The following ABLIM2 variants were observed in gnomAD, a reference collection of about 807,000 sequenced individuals.
The protein encoded by ABLIM2 is actin binding LIM protein family member 2.
In ABLIM2, 53 loss-of-function variants were observed where a neutral mutation model predicts 97.7. The ratio of observed to expected loss-of-function variants is 0.54; its 90% confidence interval spans 0.44 to 0.68. The LOEUF is 0.68. Among genes scored for constraint, ABLIM2 ranks in the 30% least tolerant of loss-of-function variants. The probability of loss-of-function intolerance (pLI) is 0.00; values close to 1 mark genes in which losing one functional copy is unlikely to be tolerated. For missense variants in ABLIM2, 835 were observed against 867.2 expected (o/e 0.96, Z 0.47); for synonymous variants, 361 against 345.8 (o/e 1.04, Z -0.49).
intron 1 of ABLIM2, among the ~76,000 whole-genome samples, chr4:8,133,299 C>T (rs2152934051): frequency 6.6e-6 from 1 of 152,356 alleles, no homozygotes; most frequent in African/African-American, 2.4e-5. Context: ...AGCGGGAATG[C>T]AATTCAACCC....
In ABLIM2 at chr4:8,044,821, G is replaced by T. The variant is rs1372052493; in HGVS notation, c.900+343C>A. The stretch of plus-strand genomic sequence containing the variant: ...TTATTTGCAAACTCTGCAGGGTCCC[G>T]CCTGGGTGTCTGGCAAGCCCCAACT... On this transcript the variant is annotated intron_variant, in intron 9 of 20. Transcript: ENST00000447017. The surrounding 1 kb of genome is among the most constrained non-coding windows in gnomAD (Gnocchi z 4.4). 6.6e-6 allele frequency among the ~76,000 whole-genome samples: 1 copy of T among 152,132 alleles called. No individual in the cohort carries two copies. Among genetic ancestry groups the T allele is most frequent in the African/African-American group, 2.4e-5 (1 of 41,414 alleles).
In ABLIM2 at chr4:8,054,411, C is replaced by T. The variant is rs567855375; in HGVS notation, c.764-165G>A. Among the ~76,000 whole-genome samples the T allele has an allele frequency of 3.8e-4, 58 of 152,368 alleles. No homozygotes were observed. Among genetic ancestry groups the T allele is most frequent in the African/African-American group, 1.4e-3 (57 of 41,586 alleles). The stretch of plus-strand genomic sequence containing the variant: ...TCTCTGTGCTGGAGTTAGTGCCGGG[C>T]AGGGGGTACCCAGATCACAGTCCCC... On this transcript the variant is annotated intron_variant, in intron 7 of 20. Transcript: ENST00000447017. The surrounding 1 kb of genome is among the most constrained non-coding windows in gnomAD (Gnocchi z 4.9).
chr4:7,980,149 CT>C, intron 20 of ABLIM2, among the ~76,000 whole-genome samples: 1 of 152,260 alleles, frequency 6.6e-6, no homozygotes, highest in Admixed American at 6.5e-5. Flanking sequence ...TGAACCCCCC[CT>C]CTCTGCCAAG....
In ABLIM2 at chr4:7,967,297, C is replaced by G. The variant is rs545964251; in HGVS notation, c.1825-194G>C. ...AGAACTGAGCTCAGAGGACAGCGAC[C>G]CTGCCAGGGACACACAGCACCCAGT... On this transcript the variant is annotated intron_variant, in intron 20 of 20. Transcript: ENST00000447017. 3.9e-5 allele frequency among the ~76,000 whole-genome samples: 6 copies of G among 152,290 alleles called. No homozygotes were observed. In the South Asian group the frequency reaches 1.2e-3, roughly 32 times the overall value.
intron 2 of ABLIM2, among the ~76,000 whole-genome samples, chr4:8,103,741 C>T (rs1835817094): frequency 6.6e-6 from 1 of 152,182 alleles, no homozygotes; most frequent in South Asian, 2.1e-4. Context: ...AATGGCCTGC[C>T]CAGGTGACAG....
intron 14 of ABLIM2, among the ~76,000 whole-genome samples, chr4:8,018,330 T>C (rs1771008819): frequency 6.6e-6 from 1 of 152,248 alleles, no homozygotes; most frequent in Non-Finnish European, 1.5e-5. Context: ...GGTGCCATGA[T>C]GGAAAGCCAG....
At chr4:8,016,895 T>C (rs909943067) in intron 14 of ABLIM2, among the ~76,000 whole-genome samples, 26 of 152,220 alleles carry the variant, frequency 1.7e-4, no homozygotes, top group African/African-American at 6.0e-4. Flanking sequence ...AGAGCTTCCC[T>C]TTACCCTCTC....
Position 8,058,807 on chromosome 4 carries a change from TG to T in ABLIM2, c.763+2159del, listed in dbSNP as rs1040011688. On this transcript the variant is annotated intron_variant, in intron 7 of 20. Transcript: ENST00000447017. This position sits in a 1 kb window ranked among gnomAD's most constrained non-coding sequence, Gnocchi z 4.2. Reference sequence around the variant, plus strand: ...CAGCGAGAATACTGCAAAATCAGTCTGGCAGGAATCCCCTGGCCTAGAAGCC... The same window carrying T: ...CAGCGAGAATACTGCAAAATCAGTCTGCAGGAATCCCCTGGCCTAGAAGCC... Among the ~76,000 whole-genome samples the T allele has an allele frequency of 2.6e-5, 4 of 152,234 alleles. No homozygotes were observed. Among genetic ancestry groups the T allele is most frequent in the African/African-American group, 9.6e-5 (4 of 41,462 alleles).
chr4:8,084,615 CCTCA>C, intron 4 of ABLIM2, among the ~76,000 whole-genome samples: 1 of 152,312 alleles, frequency 6.6e-6, no homozygotes, highest in Admixed American at 6.5e-5. Flanking sequence ...CCTCTTCATC[CCTCA>C]CTCTGGTGGG....
rs972130366 is a variant in ABLIM2 at position 8,043,066 on chromosome 4, G to A, written c.900+2098C>T. Among the ~76,000 whole-genome samples, 7 of 151,740 alleles carry A rather than the reference G, an allele frequency of 4.6e-5. No homozygotes were observed. The highest frequency in any genetic ancestry group is 7.3e-5 in the African/African-American group (3 of 41,366). On this transcript the variant is annotated intron_variant, in intron 9 of 20. Transcript: ENST00000447017. This position sits in a 1 kb window ranked among gnomAD's most constrained non-coding sequence, Gnocchi z 4.8. ...CTCGGGATGCTGAGGTGGGAGGATC[G>A]CCTGAGCCCGGGGAGGTTGAGGCTG...
intron 1 of ABLIM2, among the ~76,000 whole-genome samples, chr4:8,145,927 G>C (rs1851735576): frequency 6.6e-6 from 1 of 152,004 alleles, no homozygotes; most frequent in Admixed American, 6.6e-5. Flanking sequence ...CTTCCTAATG[G>C]AGTGTCCTTG....
Position 7,988,339 on chromosome 4 carries a change from C to T in ABLIM2, c.1681-3446G>A, listed in dbSNP as rs184149812. On this transcript the variant is annotated intron_variant, in intron 17 of 20. Transcript: ENST00000447017. ...CGCCCGGCCTGTTTAGCACTTCTTA[C>T]GTGCCTGTGGCTCTATAGGTACATT... Among the ~76,000 whole-genome samples, 5 of 152,258 alleles carry T rather than the reference C, an allele frequency of 3.3e-5. No individual in the cohort carries two copies. In the East Asian group the frequency reaches 5.8e-4, roughly 18 times the overall value.
intron 9 of ABLIM2, among the ~76,000 whole-genome samples, chr4:8,042,016 G>T (rs1391695656): frequency 6.6e-6 from 1 of 152,220 alleles, no homozygotes; most frequent in South Asian, 2.1e-4. Flanking sequence ...ACGAATGAGC[G>T]CTTAGCAGGC....
intron 2 of ABLIM2, among the ~76,000 whole-genome samples, chr4:8,104,323 C>T (rs1006731020): frequency 5.9e-5 from 9 of 152,310 alleles, no homozygotes; most frequent in Non-Finnish European, 7.4e-5. Context: ...TCCAAAGTAG[C>T]CCCCAGAACT....
Position 8,072,089 on chromosome 4 carries a change from G to C in ABLIM2, c.675+5539C>G, listed in dbSNP as rs1219917811. The stretch of plus-strand genomic sequence containing the variant: ...GACTCAGCCACGCCGCCACAGACTC[G>C]CCTCCCCGGCAGAGGCGAAAACAAA... On this transcript the variant is annotated intron_variant, in intron 6 of 20. Coordinates refer to ENST00000447017, the MANE Select transcript of ABLIM2 (RefSeq NM_001130083.2). This position sits in a 1 kb window ranked among gnomAD's most constrained non-coding sequence, Gnocchi z 5.8. 3.0e-6 allele frequency: 3 copies of C among 983,988 alleles called. No homozygotes were observed. The highest frequency in any genetic ancestry group is 1.1e-4 in the East Asian group (1 of 8,814). 61.0% of individuals were successfully genotyped at this position (983,988 alleles called of 1,614,324 possible). A position where few individuals can be genotyped will look rare whatever the true frequency, so the allele number is the denominator to read the frequency against.
chr4:8,062,090 T>C (rs1203366666), intron 6 of ABLIM2, among the ~76,000 whole-genome samples: 1 of 151,750 alleles, frequency 6.6e-6, no homozygotes, highest in East Asian at 1.9e-4. Flanking sequence ...CGGCACCAGC[T>C]GTCCCCTCCA....
chr4:8,018,096 G>C (rs920577635), intron 14 of ABLIM2, among the ~76,000 whole-genome samples: 12 of 152,068 alleles, frequency 7.9e-5, no homozygotes, highest in African/African-American at 2.7e-4. Context: ...CTTTGTCTTA[G>C]ATCTGGGTCT....
rs562735962 is a variant in ABLIM2 at position 8,035,939 on chromosome 4, C to T, written c.1047+210G>A. On this transcript the variant is annotated intron_variant, in intron 10 of 20. Transcript: ENST00000447017. ...CATTCCAGGCTCACTCCTTCAGCAA[C>T]GGCAGCTTTGGGGCCACAGTGCCTT... Among the ~76,000 whole-genome samples the T allele has an allele frequency of 1.2e-4, 19 of 152,336 alleles. 1 individual carries two copies. The South Asian group carries it at 1.4e-3, about 12-fold the overall frequency.
rs900146109 is a variant in ABLIM2, at chr4:8,128,094, G to A, written c.11-21457C>T. Among the ~76,000 whole-genome samples the A allele has an allele frequency of 2.6e-5, 4 of 152,218 alleles. No homozygotes were observed. The highest frequency in any genetic ancestry group is 4.4e-5 in the Non-Finnish European group (3 of 68,032). ...CACAGGGGTATAGGGAGCTCAGGCTGCCTCTTCCCGCTGCTGGTGGCTCCA... is the reference window on the plus strand; with the variant it reads ...CACAGGGGTATAGGGAGCTCAGGCTACCTCTTCCCGCTGCTGGTGGCTCCA... On this transcript the variant is annotated intron_variant, in intron 1 of 20. Transcript: ENST00000447017. This position sits in a 1 kb window ranked among gnomAD's most constrained non-coding sequence, Gnocchi z 4.9.
Sources: gnomAD v4.1 joint callset for allele counts (sites outside exome capture counted in the v4.1 genomes callset) on GRCh38, gnomAD v4.1.1 for gene constraint, Gnocchi (gnomAD v3.1) non-coding constraint, MANE v1.5 for transcripts, NCBI Gene and HGNC (gene_info 2026-07-23, HGNC 2026-07-21) for gene names.